Variants in PKD1L1 observed in about 807,000 individuals in gnomAD.
PKD1L1 encodes polycystin 1 like 1, transient receptor potential channel interacting.
In PKD1L1, 236 loss-of-function variants were observed where a neutral mutation model predicts 323.4. The observed-to-expected ratio is 0.73, with a 90% CI of 0.66 to 0.81. The LOEUF is 0.81. Ranked by LOEUF, PKD1L1 falls within the 40% of genes least tolerant of loss-of-function variation. The pLI is 0.00. For missense variants in PKD1L1, 3,320 were observed against 3,508.0 expected (o/e 0.95, Z 1.35); for synonymous variants, 1,344 against 1,335.0 (o/e 1.01, Z -0.15).
chr7:47,922,605 C>G (rs1399820467), intron 7 of PKD1L1, among the ~76,000 whole-genome samples: 1 of 152,078 alleles, frequency 6.6e-6, no homozygotes, highest in African/African-American at 2.4e-5. Flanking sequence ...CCGCCGCCAC[C>G]CCGTCTGGGA....
At position 47,840,690 on chromosome 7, in the gene PKD1L1, T is replaced by A; in HGVS notation, c.5446-123A>T. The A allele has an allele frequency of 2.8e-6, 2 of 718,388 alleles. No individual in the cohort carries two copies. The highest frequency in any genetic ancestry group is 4.7e-6 in the Non-Finnish European group (2 of 423,866). The allele number at this position is 718,388 out of a possible 1,614,324, so 44.5% of individuals were successfully genotyped here. On this transcript the variant is annotated intron_variant, in intron 34 of 56. Coordinates refer to ENST00000289672, the MANE Select transcript of PKD1L1 (RefSeq NM_138295.5). The surrounding 1 kb of genome is among the most constrained non-coding windows in gnomAD (Gnocchi z 4.1). ...CCCTTCCTCAAAACCATCTGCACGG[T>A]GGAGTGCCACAGCCTAGAGCCAGGG...
intron 32 of PKD1L1, among the ~76,000 whole-genome samples, chr7:47,845,607 T>G (rs1785649250): frequency 6.6e-6 from 1 of 152,234 alleles, no homozygotes; most frequent in African/African-American, 2.4e-5. Context: ...TGTTTGTTTT[T>G]GAGATGGAGT....
intron 56 of PKD1L1, among the ~76,000 whole-genome samples, chr7:47,777,238 T>C (rs1387832049): frequency 6.6e-6 from 1 of 152,244 alleles, no homozygotes; most frequent in African/African-American, 2.4e-5. Flanking sequence ...AAATTAATCA[T>C]GATAATTCCA....
Position 47,888,010 on chromosome 7 carries a change from G to C in PKD1L1, c.2816C>G (p.Thr939Arg). 6.2e-7 allele frequency: 1 copy of C among 1,613,434 alleles called. No homozygotes were observed. Among genetic ancestry groups the C allele is most frequent in the Non-Finnish European group, 8.5e-7 (1 of 1,179,590 alleles). Residue 939 changes from threonine (T) to arginine (R), a missense_variant, in exon 17 of 57, where the codon ACA (threonine) becomes AGA (arginine). Thr to Arg is a moderately conservative substitution (Grantham distance 71). Transcript: ENST00000289672. ...YSWDLFLVNA[T>R]EKNRIEVPFC... Reference sequence around the variant, plus strand: ...TTTACCTTCTATCCTATTCTTTTCTGTTGCATTGACTAAAAAGAGATCCCA... The same window carrying C: ...TTTACCTTCTATCCTATTCTTTTCTCTTGCATTGACTAAAAAGAGATCCCA...
At chr7:47,862,110 A>C (rs1477978453) in intron 26 of PKD1L1, among the ~76,000 whole-genome samples, 3 of 150,688 alleles carry the variant, frequency 2.0e-5, no homozygotes, top group Non-Finnish European at 4.4e-5. Flanking sequence ...CAGGAGAATC[A>C]CTTGAACCCG....
In PKD1L1 at chr7:47,792,785, C is replaced by T; in HGVS notation, c.8368G>A (p.Asp2790Asn). ...EMVENHNYYL[D>N]EFANLLDELL... is the part of the protein sequence containing the mutation. ...TCGTCTAACAGATTTGCAAATTCAT[C>T]CAAGTAGTAATTCTGAAGGGAAGAA... is the stretch of plus-strand genomic sequence containing the variant. The change falls in exon 56 of 57, where the codon GAT (aspartate) becomes AAT (asparagine). Residue 2790 changes from aspartate to asparagine, a missense_variant. By Grantham distance (23) the Asp-to-Asn change is conservative. Transcript: ENST00000289672. 1 of 1,613,132 alleles carries T rather than the reference C, an allele frequency of 6.2e-7. No homozygotes were observed. The highest frequency in any genetic ancestry group is 1.1e-5 in the South Asian group (1 of 90,996).
At chr7:47,922,927 T>A (rs1787583205) in intron 7 of PKD1L1, among the ~76,000 whole-genome samples, 1 of 152,258 alleles carries the variant, frequency 6.6e-6, no homozygotes, top group East Asian at 1.9e-4. Flanking sequence ...AGAGATCAGA[T>A]TGTTACTCTG....
At chr7:47,939,474 G>T (rs968265302) in intron 3 of PKD1L1, among the ~76,000 whole-genome samples, 1 of 152,128 alleles carries the variant, frequency 6.6e-6, no homozygotes, top group Non-Finnish European at 1.5e-5. Flanking sequence ...TGGGTGAAAA[G>T]CATGTCTCAC....
rs1785344975 is a variant in PKD1L1 at position 47,831,331 on chromosome 7, C to A, written c.6359G>T (p.Gly2120Val). 6.2e-7 allele frequency: 1 copy of A among 1,613,756 alleles called. No individual in the cohort carries two copies. The highest frequency in any genetic ancestry group is 1.3e-5 in the African/African-American group (1 of 75,006). ...HTQAPSSGLE[G>V]LMPQWSRALQ... ...GGCCCTTGACCACTGGGGCATTAGT[C>A]CCTCCAAACCACTGCTGGGTGCTGC... Residue 2120 changes from glycine (G) to valine (V), a missense_variant, in exon 42 of 57, where the codon GGA becomes GTA. Gly to Val is a moderately radical substitution (Grantham distance 109). Transcript: ENST00000289672.
Position 47,835,251 on chromosome 7 carries a change from A to G in PKD1L1, c.5944-8T>C. The G allele has an allele frequency of 6.4e-7, 1 of 1,563,656 alleles. No individual in the cohort carries two copies. The highest frequency in any genetic ancestry group is 8.7e-7 in the Non-Finnish European group (1 of 1,155,676). ...GCTGACGTCCAAGTGGGGCTGCAAC[A>G]AAGCAACAGCAGCCATTACATCAAC... On this transcript the variant is annotated splice_region_variant and splice_polypyrimidine_tract_variant and intron_variant, in intron 37 of 56. Coordinates refer to ENST00000289672, the MANE Select transcript of PKD1L1 (RefSeq NM_138295.5).
chr7:47,844,261 T>C (rs1338413541), intron 33 of PKD1L1, among the ~76,000 whole-genome samples: 1 of 152,198 alleles, frequency 6.6e-6, no homozygotes, highest in South Asian at 2.1e-4. Flanking sequence ...AATTATCTGG[T>C]CCACCAACTA....
At chr7:47,847,761 C>A (rs1397677590) in intron 31 of PKD1L1, among the ~76,000 whole-genome samples, 4 of 151,924 alleles carry the variant, frequency 2.6e-5, no homozygotes, top group African/African-American at 9.7e-5. Context: ...AAAACAAAAA[C>A]AAACTGCACA....
At position 47,893,975 on chromosome 7, in the gene PKD1L1, C is replaced by A; in HGVS notation, c.2356G>T (p.Glu786Ter). ...RAQAPVSVIS[E>*]GTHLFFSRTT... ...CTGGAGAAGAATAGGTGTGTGCCCT[C>A]GGAGATCACACTGACAGGGGCCTGG... The change falls in exon 15 of 57, where the codon GAG (glutamate) becomes TAG (stop). Residue 786 changes from glutamate (E) to a stop codon, truncating the protein, a stop_gained. Coordinates refer to ENST00000289672, the MANE Select transcript of PKD1L1 (RefSeq NM_138295.5). LOFTEE classifies it high-confidence loss of function. The A allele has an allele frequency of 6.2e-7, 1 of 1,613,784 alleles. No homozygotes were observed.
rs759581550 is a variant in PKD1L1 at position 47,866,593 on chromosome 7, G to C, written c.3918C>G (p.Asn1306Lys). The C allele has an allele frequency of 2.5e-6, 4 of 1,608,370 alleles. No homozygotes were observed. The highest frequency in any genetic ancestry group is 1.3e-5 in the African/African-American group (1 of 74,748). Residue 1306 changes from asparagine (N) to lysine (K), a missense_variant, in exon 25 of 57, where the codon AAC becomes AAG. Coordinates refer to ENST00000289672, the MANE Select transcript of PKD1L1 (RefSeq NM_138295.5). ...GEDLYNSSLK[N>K]LSTLQLMGSY... ...TCCCCATCAGCTGGAGGGTAGAAAG[G>C]TTTTTCAGGCTGGAATTATACCTGA...
At chr7:47,849,714 AG>A (rs1785739065) in intron 31 of PKD1L1, among the ~76,000 whole-genome samples, 1 of 152,230 alleles carries the variant, frequency 6.6e-6, no homozygotes, top group African/African-American at 2.4e-5. Flanking sequence ...TGTGGTGAAA[AG>A]GGAATACTTT....
chr7:47,806,892 T>C (rs1401364522), intron 52 of PKD1L1, among the ~76,000 whole-genome samples: 3 of 152,304 alleles, frequency 2.0e-5, no homozygotes, highest in Middle Eastern at 3.4e-3. Context: ...GCATGTTATG[T>C]TCCCCCAGCT....
rs543790408 is a variant in PKD1L1 at position 47,803,905 on chromosome 7, T to C, written c.7828-561A>G. Among the ~76,000 whole-genome samples, 10 of 152,316 alleles carry C rather than the reference T, an allele frequency of 6.6e-5. 1 individual carries two copies. In the East Asian group the frequency reaches 1.9e-3, roughly 29 times the overall value. ...ACAAACATAGTACAACTGGGGGGCA[T>C]GGCAGACCCAGGGGCAAACAGCCTT... On this transcript the variant is annotated intron_variant, in intron 52 of 56. Transcript: ENST00000289672.
intron 7 of PKD1L1, among the ~76,000 whole-genome samples, chr7:47,923,594 T>G (rs1352901866): frequency 6.6e-6 from 1 of 151,768 alleles, no homozygotes; most frequent in Non-Finnish European, 1.5e-5. Context: ...AGCCACTTGC[T>G]CAAGCCTGCT....
At chr7:47,833,020 C>T (rs1320603125) in intron 41 of PKD1L1, 70 bp downstream of exon 41, 1 of 1,520,194 alleles carries the variant, frequency 6.6e-7, no homozygotes, top group African/African-American at 1.4e-5. Context: ...TCTGCTTGCC[C>T]TGCCTCTCCC....
Sources: gnomAD v4.1 joint callset for allele counts (sites outside exome capture counted in the v4.1 genomes callset) on GRCh38, gnomAD v4.1.1 for gene constraint, Gnocchi (gnomAD v3.1) non-coding constraint, MANE v1.5 for transcripts, NCBI Gene and HGNC (gene_info 2026-07-23, HGNC 2026-07-21) for gene names.